BOD1L1: variants seen among roughly 807,000 people sequenced by gnomAD.
BOD1L1 encodes biorientation of chromosomes in cell division 1 like 1, also known as biorientation of chromosomes in cell division protein 1-like 1.
In BOD1L1, 86 loss-of-function variants were observed where a neutral mutation model predicts 240.7. The observed-to-expected ratio is 0.36, with a 90% CI of 0.30 to 0.43. BOD1L1 has a LOEUF of 0.43. Among genes scored for constraint, BOD1L1 ranks in the 20% least tolerant of loss-of-function variants. BOD1L1 has a pLI of 1.00. For synonymous variants in BOD1L1, 1,268 were observed against 1,272.3 expected, an observed-to-expected ratio of 1.00 and a Z score of 0.07; for missense variants, 3,554 against 3,643.5, an observed-to-expected ratio of 0.98 and a Z score of 0.63.
chr4:13,582,932 C>G (rs1001532496), intron 17 of BOD1L1, among the ~76,000 whole-genome samples, 196 bp from the exon 18 acceptor site: 8 of 152,288 alleles, frequency 5.3e-5, no homozygotes, highest in African/African-American at 2.4e-5. Flanking sequence ...ATTCTGAGAA[C>G]AGAAAAGCAT....
chr4:13,573,473 TTTCTTTCTTTCTTTCTTTCTTTTG>T (rs1712409167), intron 25 of BOD1L1, among the ~76,000 whole-genome samples: 11 of 110,944 alleles, frequency 9.9e-5, no homozygotes, highest in African/African-American at 3.2e-4. Flanking sequence ...TCTATCTATC[TTTCTTTCTTTCTTTCTTTCTTTTG>T]AGAAAGAGCC....
intron 17 of BOD1L1, 70 bp downstream of exon 17, chr4:13,586,326 T>C: frequency 2.5e-6 from 2 of 797,390 alleles, no homozygotes; most frequent in South Asian, 3.6e-5. Context: ...TTATACTAAG[T>C]ATTTACAATG....
chr4:13,614,902 G>A (rs1209361294), intron 3 of BOD1L1, 92 bp from the exon 4 acceptor site: 8 of 1,300,908 alleles, frequency 6.1e-6, no homozygotes, highest in Non-Finnish European at 8.3e-6. Context: ...ATCTTTATAT[G>A]ATGCATATGC....
chr4:13,602,612 C>T lies in BOD1L1; in HGVS notation c.4288G>A (p.Val1430Ile). Residue 1430 changes from valine to isoleucine, a missense_variant, in exon 10 of 26, where the codon GTA becomes ATA. Around this residue, in one of 2 missense-constraint regions of BOD1L1, gnomAD observed 3,393 missense variants for 3,427.1 expected, o/e 0.99. Transcript: ENST00000040738. ...ATGCCATCCTTCTTGCCATTCTCTA[C>T]TGTTGCTTTAATTGTCTGCTTTAAA... Reference protein sequence around the residue: ...PNLKQTIKATVENGKKDGIAV... With the variant: ...PNLKQTIKATIENGKKDGIAV... 2 of 1,614,032 alleles carry T rather than the reference C, an allele frequency of 1.2e-6. No homozygotes were observed. The highest frequency in any genetic ancestry group is 1.7e-6 in the Non-Finnish European group (2 of 1,179,896).
chr4:13,604,204 C>T lies in BOD1L1; in HGVS notation c.2696G>A (p.Arg899Gln), dbSNP rs745506657. 78 of 1,613,394 alleles carry T rather than the reference C, an allele frequency of 4.8e-5. No homozygotes were observed. Among genetic ancestry groups the T allele is most frequent in the African/African-American group, 6.7e-5 (5 of 74,878 alleles). ...TTTCTCTTCTAACAAGCTCTTTGTTCGTCGTTTCTCCTTGTGAACAACCTC... is the reference window on the plus strand; with the variant it reads ...TTTCTCTTCTAACAAGCTCTTTGTTTGTCGTTTCTCCTTGTGAACAACCTC... ...PEEVVHKEKR[R>Q]TKSLLEEKLV... Residue 899 changes from arginine to glutamine, a missense_variant, in exon 10 of 26, where the codon CGA becomes CAA. By Grantham distance (43) the Arg-to-Gln change is conservative. Transcript: ENST00000040738.
At position 13,603,020 on chromosome 4, in the gene BOD1L1, C is replaced by T. The variant is rs118191855; in HGVS notation, c.3880G>A (p.Glu1294Lys). The T allele has an allele frequency of 1.0e-3, 1,625 of 1,613,934 alleles. 9 individuals carry two copies. Among genetic ancestry groups the T allele is most frequent in the East Asian group, 1.8e-3 (79 of 44,880 alleles). Residue 1294 changes from glutamate to lysine, a missense_variant, in exon 10 of 26, where the codon GAA (glutamate) becomes AAA (lysine). Glu to Lys is a moderately conservative substitution (Grantham distance 56). This residue lies in a region of BOD1L1 where 3,393 missense variants were observed against 3,427.1 expected (regional missense o/e 0.99). Coordinates refer to ENST00000040738, the MANE Select transcript of BOD1L1 (RefSeq NM_148894.3). ...LSSVTVVPLR[E>K]SYDPDVIPLF... ...GGAATTACATCTGGATCATACGATT[C>T]CCTCAGAGGCACAACAGTCACTGAA...
chr4:13,587,861 G>A, intron 15 of BOD1L1, 90 bp from the exon 16 acceptor site: 1 of 897,826 alleles, frequency 1.1e-6, no homozygotes, highest in Non-Finnish European at 1.7e-6. Flanking sequence ...TCTAACCTTT[G>A]GAATAAGTTG....
intron 17 of BOD1L1, among the ~76,000 whole-genome samples, chr4:13,585,575 A>G (rs995677324): frequency 1.3e-5 from 2 of 152,172 alleles, no homozygotes; most frequent in Non-Finnish European, 2.9e-5. Flanking sequence ...AGATGAAAAT[A>G]AAACCATAGG....
At chr4:13,589,314 CTA>C (rs1355548399) in intron 14 of BOD1L1, among the ~76,000 whole-genome samples, 3 of 152,162 alleles carry the variant, frequency 2.0e-5, no homozygotes, top group Non-Finnish European at 4.4e-5. Flanking sequence ...TACAAGTACA[CTA>C]CATAAGCACT....
In BOD1L1 at chr4:13,600,216, C is replaced by T. The variant is rs756438215; in HGVS notation, c.6684G>A (p.Glu2228=). The T allele has an allele frequency of 6.2e-7, 1 of 1,614,008 alleles. No homozygotes were observed. Among genetic ancestry groups the T allele is most frequent in the Non-Finnish European group, 8.5e-7 (1 of 1,179,900 alleles). Reference sequence around the variant, plus strand: ...CAACAACTACACCGGAAACAGAAGCCTCACATTCTTCTGCTATGCTAGTGG... The same window carrying T: ...CAACAACTACACCGGAAACAGAAGCTTCACATTCTTCTGCTATGCTAGTGG... ...LISTSIAEEC[E]ASVSGVVVES... is the part of the protein sequence containing the mutation. Residue 2228 remains glutamate, a synonymous_variant, in exon 10 of 26, where the codon GAG becomes GAA. Coordinates refer to ENST00000040738, the MANE Select transcript of BOD1L1 (RefSeq NM_148894.3).
intron 1 of BOD1L1, among the ~76,000 whole-genome samples, chr4:13,621,128 G>A (rs891284357): frequency 1.3e-5 from 2 of 152,146 alleles, no homozygotes; most frequent in Non-Finnish European, 2.9e-5. Flanking sequence ...AACATGGAGG[G>A]GAACACATAT....
chr4:13,627,597 T>C lies in BOD1L1; in HGVS notation c.-10A>G. Reference sequence around the variant, plus strand: ...GTGGGTTGGTGGCCATGGTGGCCTGTGCCGGGGAGGGCAAGGGCCCTGACC... The same window carrying C: ...GTGGGTTGGTGGCCATGGTGGCCTGCGCCGGGGAGGGCAAGGGCCCTGACC... On this transcript the variant is annotated 5_prime_UTR_variant, in exon 1 of 26. Coordinates refer to ENST00000040738, the MANE Select transcript of BOD1L1 (RefSeq NM_148894.3). The C allele has an allele frequency of 8.7e-7, 1 of 1,147,096 alleles. No individual in the cohort carries two copies. Among genetic ancestry groups the C allele is most frequent in the African/African-American group, 1.6e-5 (1 of 61,630 alleles). 71.1% of individuals were successfully genotyped at this position (1,147,096 alleles called of 1,614,324 possible). A position where few individuals can be genotyped will look rare whatever the true frequency, so the allele number is the denominator to read the frequency against.
chr4:13,612,110 C>G (rs1421998665), intron 5 of BOD1L1, among the ~76,000 whole-genome samples: 2 of 152,120 alleles, frequency 1.3e-5, no homozygotes, highest in African/African-American at 2.4e-5. Context: ...TAATGCAGAG[C>G]TGACCTCATG....
chr4:13,580,631 A>G (rs956433460), intron 21 of BOD1L1, among the ~76,000 whole-genome samples: 3 of 152,206 alleles, frequency 2.0e-5, no homozygotes, highest in Non-Finnish European at 2.9e-5. Context: ...CCTGCACTGA[A>G]CTCAGTGAAT....
chr4:13,602,983 T>C lies in BOD1L1; in HGVS notation c.3917A>G (p.Lys1306Arg), dbSNP rs1484206088. ...TGTGCTACCTTCCAAAACAGTTCTT[T>C]TGTCAAACAGAGGAATTACATCTGG... ...YDPDVIPLFD[K>R]RTVLEGSTAS... The change falls in exon 10 of 26, where the codon AAA (lysine) becomes AGA (arginine). Residue 1306 changes from lysine to arginine, a missense_variant. Lys to Arg is a conservative substitution (Grantham distance 26, BLOSUM62 2). Transcript: ENST00000040738. The C allele has an allele frequency of 6.2e-7, 1 of 1,614,014 alleles. No homozygotes were observed. The highest frequency in any genetic ancestry group is 1.7e-5 in the Admixed American group (1 of 60,026).
At chr4:13,619,794 T>C (rs1716907254) in intron 2 of BOD1L1, 149 bp downstream of exon 2, 1 of 991,274 alleles carries the variant, frequency 1.0e-6, no homozygotes, top group Non-Finnish European at 1.4e-6. Context: ...AAATCCAAAA[T>C]TATGCTACAT....
chr4:13,617,075 T>C (rs1452420472), intron 2 of BOD1L1, among the ~76,000 whole-genome samples: 2 of 151,936 alleles, frequency 1.3e-5, no homozygotes, highest in East Asian at 1.9e-4. Context: ...TGAAACCTCA[T>C]CTCTCCTAAA....
chr4:13,609,789 AC>A (rs1451706110), intron 6 of BOD1L1, among the ~76,000 whole-genome samples: 1 of 152,200 alleles, frequency 6.6e-6, no homozygotes, highest in African/African-American at 2.4e-5. Context: ...GGTGTTTATA[AC>A]TTTTCAACTG....
intron 17 of BOD1L1, among the ~76,000 whole-genome samples, chr4:13,584,478 G>GTGTGTA (rs1466728136): frequency 6.6e-6 from 1 of 150,744 alleles, no homozygotes; most frequent in East Asian, 2.0e-4. Context: ...GTGTGTGTGT[G>GTGTGTA]TGTGTTGGAG....
Sources: gnomAD v4.1 joint callset for allele counts (sites outside exome capture counted in the v4.1 genomes callset) on GRCh38, gnomAD v4.1.1 for gene constraint, gnomAD v4.1.1 regional missense constraint, MANE v1.5 for transcripts, NCBI Gene and HGNC (gene_info 2026-07-23, HGNC 2026-07-21) for gene names.